ZP2: variants seen among roughly 807,000 people sequenced by gnomAD.
ZP2 encodes zona pellucida sperm-binding protein 2.
Under a neutral mutation model 84.0 loss-of-function variants are expected in ZP2, and 51 were observed. The observed-to-expected ratio is 0.61, with a 90% CI of 0.49 to 0.77. The LOEUF (loss-of-function observed/expected upper bound fraction) is 0.77. Among genes scored for constraint, ZP2 ranks in the 30% least tolerant of loss-of-function variants. The pLI, the probability that ZP2 is intolerant of heterozygous loss-of-function variation, is 0.00. For missense variants in ZP2, 909 were observed against 911.9 expected, an observed-to-expected ratio of 1.00 and a Z score of 0.04; for synonymous variants, 375 against 330.9, an observed-to-expected ratio of 1.13 and a Z score of -1.45.
rs911797127 is a variant in ZP2 at position 21,198,846 on chromosome 16, T to C, written c.1944A>G (p.Glu648=). ...SRHRRATGAT[E]AEKMTVSLPG... is the part of the protein sequence containing the mutation. The stretch of plus-strand genomic sequence containing the variant: ...GGAGGCTGACTGTCATTTTCTCTGC[T>C]TCAGTGGCCCCTGTGGCTGGAGACA... Residue 648 remains glutamate, a synonymous_variant, in exon 17 of 19, where the codon GAA becomes GAG. Coordinates refer to ENST00000574091, the MANE Select transcript of ZP2 (RefSeq NM_001376232.1). The C allele has an allele frequency of 2.5e-6, 4 of 1,613,864 alleles. No individual in the cohort carries two copies. Among genetic ancestry groups the C allele is most frequent in the Non-Finnish European group, 3.4e-6 (4 of 1,179,954 alleles).
chr16:21,207,706 G>A (rs918163896), intron 4 of ZP2, among the ~76,000 whole-genome samples: 1 of 151,368 alleles, frequency 6.6e-6, no homozygotes, highest in Non-Finnish European at 1.5e-5. Flanking sequence ...GGGTGTGGTG[G>A]TATATGCCTG....
chr16:21,208,169 A>AT (rs1321457637), intron 4 of ZP2, among the ~76,000 whole-genome samples: 1 of 152,204 alleles, frequency 6.6e-6, no homozygotes, highest in Non-Finnish European at 1.5e-5. Context: ...GTGAGCCATG[A>AT]TTGCAGCCAC....
At chr16:21,203,094 G>T (rs940957824) in intron 10 of ZP2, 31 bp downstream of exon 10, 1 of 1,605,462 alleles carries the variant, frequency 6.2e-7, no homozygotes, top group Middle Eastern at 1.7e-4. Context: ...GAGAAAAAAG[G>T]TAGAACATGA....
At chr16:21,210,217 G>A (rs1367141496) in intron 2 of ZP2, 25 bp from the exon 3 acceptor site, 1 of 1,596,114 alleles carries the variant, frequency 6.3e-7, no homozygotes, top group Non-Finnish European at 8.6e-7. Flanking sequence ...AAGCATTTGG[G>A]GGCTTTGAGT....
At chr16:21,207,588 C>G (rs569108385) in intron 4 of ZP2, among the ~76,000 whole-genome samples, 26 of 151,710 alleles carry the variant, frequency 1.7e-4, no homozygotes, top group African/African-American at 6.3e-4. Context: ...GAGTTCAAGA[C>G]CAGCCTGTGC....
At chr16:21,207,031 A>AC (rs1567215779) in intron 4 of ZP2, 41 bp from the exon 5 acceptor site, 2 of 1,608,834 alleles carry the variant, frequency 1.2e-6, no homozygotes, top group African/African-American at 1.3e-5. Context: ...TAAGTACTGT[A>AC]CCCCCATGGG....
At chr16:21,213,344 C>T (rs1323514999), upstream of ZP2, among the ~76,000 whole-genome samples, 6 of 152,200 alleles carry the variant, frequency 3.9e-5, no homozygotes, top group Admixed American at 6.5e-5. Flanking sequence ...TGTGCCCGGC[C>T]CTTTGCCACT....
chr16:21,201,056 G>A (rs1036089176), intron 14 of ZP2, among the ~76,000 whole-genome samples: 10 of 152,262 alleles, frequency 6.6e-5, no homozygotes, highest in Admixed American at 3.3e-4. Context: ...AAAATTAGCT[G>A]GGCTTGGTGG....
In ZP2 at chr16:21,197,593, C is replaced by A; in HGVS notation, c.2125G>T (p.Ala709Ser). The A allele has an allele frequency of 6.2e-7, 1 of 1,614,230 alleles. No individual in the cohort carries two copies. Among genetic ancestry groups the A allele is most frequent in the South Asian group, 1.1e-5 (1 of 91,088 alleles). ...ACAGCTTTGGAACCAACATCTCCAG[C>A]AGTCTTGTGCCCTTTGGTGTCCATA... ...GAMDTKGHKT[A>S]GDVGSKAVAA... The change falls in exon 19 of 19, where the codon GCT (alanine) becomes TCT (serine). Residue 709 changes from alanine (A) to serine (S), a missense_variant. Transcript: ENST00000574091.
At chr16:21,198,722 T>G in intron 17 of ZP2, 57 bp downstream of exon 17, 1 of 1,477,632 alleles carries the variant, frequency 6.8e-7, no homozygotes, top group Non-Finnish European at 9.4e-7. Context: ...ACTGACCGCT[T>G]GGCATAAAAA....
upstream of ZP2, chr16:21,214,369 G>T: frequency 1.3e-6 from 1 of 771,622 alleles, no homozygotes; most frequent in Non-Finnish European, 1.6e-6. Flanking sequence ...GGAAGAAATA[G>T]CTGCTCCGTA....
intron 7 of ZP2, among the ~76,000 whole-genome samples, chr16:21,205,172 C>T (rs2093243758): frequency 6.6e-6 from 1 of 152,088 alleles, no homozygotes; most frequent in African/African-American, 2.4e-5. Context: ...TTAGTAGAGA[C>T]AGGGTTTCAC....
upstream of ZP2, among the ~76,000 whole-genome samples, chr16:21,213,092 G>A (rs762816820): frequency 6.6e-6 from 1 of 152,106 alleles, no homozygotes; most frequent in Non-Finnish European, 1.5e-5. Context: ...TTGCCCAGGT[G>A]GGAGTGCAGT....
chr16:21,208,408 ACAGTT>A (rs1335367475), intron 4 of ZP2, among the ~76,000 whole-genome samples: 1 of 152,226 alleles, frequency 6.6e-6, no homozygotes, highest in Non-Finnish European at 1.5e-5. Context: ...CAGATGACTT[ACAGTT>A]CAAGCCTGTT....
chr16:21,211,384 G>A lies in ZP2; in HGVS notation c.74C>T (p.Ser25Leu), dbSNP rs188803389. 17 of 1,614,072 alleles carry A rather than the reference G, an allele frequency of 1.1e-5. No individual in the cohort carries two copies. The highest frequency in any genetic ancestry group is 1.4e-5 in the Non-Finnish European group (16 of 1,180,004). The change falls in exon 2 of 19, where the codon TCG (serine) becomes TTG (leucine). Residue 25 changes from serine (S) to leucine (L), a missense_variant. Transcript: ENST00000574091. The part of the protein sequence containing the change: ...WFNAGWSTYR[S>L]ISLFFALVTS... ...CACAAGGGCGAAGAAGAGAGAAATCGACCTGTAGGTGCTGGAAAGAGACAG... is the reference window on the plus strand; with the variant it reads ...CACAAGGGCGAAGAAGAGAGAAATCAACCTGTAGGTGCTGGAAAGAGACAG...
rs1437732196 is a variant in ZP2, at chr16:21,205,426, G to A, written c.687C>T (p.His229=). Residue 229 remains histidine (H), a synonymous_variant, in exon 7 of 19, where the codon CAC becomes CAT. Transcript: ENST00000574091. ...HVPFNATGVT[H]YVQGNSHLYM... is the part of the protein sequence containing the mutation. ...GCCAGACTTCCACACCTACCACATA[G>A]TGAGTCACTCCAGTGGCATTGAATG... 1.2e-6 allele frequency: 2 copies of A among 1,613,924 alleles called. No individual in the cohort carries two copies. Among genetic ancestry groups the A allele is most frequent in the Non-Finnish European group, 1.7e-6 (2 of 1,179,982 alleles).
At position 21,205,782 on chromosome 16, in the gene ZP2, G is replaced by A; in HGVS notation, c.484-7C>T. ...AGACCCGTGGCAAGGAAAACTGGAA[G>A]AAAAGAATTGTGATGTAAGACTTTG... On this transcript the variant is annotated splice_polypyrimidine_tract_variant and splice_region_variant and intron_variant, in intron 5 of 18. Transcript: ENST00000574091. 2 of 1,613,902 alleles carry A rather than the reference G, an allele frequency of 1.2e-6. No individual in the cohort carries two copies. The highest frequency in any genetic ancestry group is 1.7e-6 in the Non-Finnish European group (2 of 1,179,888).
intron 3 of ZP2, 164 bp from the exon 4 acceptor site, chr16:21,209,889 G>A (rs779926386): frequency 2.4e-5 from 17 of 718,324 alleles, no homozygotes; most frequent in Non-Finnish European, 3.3e-5. Flanking sequence ...ATGACTTGCA[G>A]CCAGAGGCTT....
At chr16:21,203,706 G>C in intron 9 of ZP2, 1 of 424,664 alleles carries the variant, frequency 2.4e-6, no homozygotes, top group Non-Finnish European at 4.3e-6. Flanking sequence ...AAGGTGTCCT[G>C]TTCGTTGACC....
Sources: allele counts gnomAD v4.1 joint callset (sites outside exome capture counted in the v4.1 genomes callset), GRCh38; gene constraint gnomAD v4.1.1; transcripts MANE v1.5; gene names NCBI Gene and HGNC (gene_info 2026-07-23, HGNC 2026-07-21).